The following RSAD2 variants were observed in gnomAD, a reference collection of about 807,000 sequenced individuals.
RSAD2 encodes S-adenosylmethionine-dependent nucleotide dehydratase RSAD2.
Under a neutral mutation model 37.7 loss-of-function variants are expected in RSAD2, and 38 were observed. That is an observed-to-expected ratio of 1.01 (90% CI 0.78 to 1.32). The LOEUF is 1.32. Ranked by LOEUF, RSAD2 falls within the 40% of genes most tolerant of loss-of-function variation. The pLI is 0.00. For missense variants in RSAD2, 428 were observed against 437.5 expected, an observed-to-expected ratio of 0.98 and a Z score of 0.19; for synonymous variants, 163 against 157.4, an observed-to-expected ratio of 1.04 and a Z score of -0.27.
At chr2:6,875,648 A>C (rs184502260), upstream of RSAD2, among the ~76,000 whole-genome samples, 1 of 152,354 alleles carries the variant, frequency 6.6e-6, no homozygotes, top group East Asian at 1.9e-4. Context: ...TCTCCCAGAA[A>C]GGAGAAATAA....
intron 1 of RSAD2, among the ~76,000 whole-genome samples, chr2:6,880,579 T>C (rs1663379040): frequency 6.6e-6 from 1 of 152,212 alleles, no homozygotes; most frequent in Non-Finnish European, 1.5e-5. Context: ...CAGTGAAGTT[T>C]GGCAGTTACC....
intron 1 of RSAD2, among the ~76,000 whole-genome samples, chr2:6,866,991 G>T (rs1401740932): frequency 6.6e-6 from 1 of 152,158 alleles, no homozygotes; most frequent in African/African-American, 2.4e-5. Flanking sequence ...TTTGAGAATA[G>T]AATAGTTTTT....
At chr2:6,875,913 G>T (rs1175559303), upstream of RSAD2, among the ~76,000 whole-genome samples, 2 of 152,166 alleles carry the variant, frequency 1.3e-5, no homozygotes, top group Admixed American at 6.5e-5. Flanking sequence ...ATTCTGCTTG[G>T]AATTCATAAA....
intron 2 of RSAD2, 44 bp downstream of exon 2, chr2:6,883,576 T>A: frequency 6.2e-7 from 1 of 1,603,952 alleles, no homozygotes; most frequent in Non-Finnish European, 8.5e-7. Context: ...TATTGCTATT[T>A]TTATTGTTGG....
chr2:6,884,486 A>G (rs1448881), intron 2 of RSAD2, among the ~76,000 whole-genome samples: 14,684 of 152,168 alleles, frequency 0.096, 810 homozygotes, highest in Non-Finnish European at 0.12. Flanking sequence ...AGAGAGAAAA[A>G]AGAAACTGAG....
Position 6,896,001 on chromosome 2 carries a change from AT to A in RSAD2, c.*61del, listed in dbSNP as rs1037587223. On this transcript the variant is annotated 3_prime_UTR_variant, in exon 6 of 6. Coordinates refer to ENST00000382040, the MANE Select transcript of RSAD2 (RefSeq NM_080657.5). The stretch of plus-strand genomic sequence containing the variant: ...TGGGAAAACTCCTAGAGTAACTGCC[AT>A]TGTCTGCAATACTATCCCGTTGGTA... 5 of 1,515,308 alleles carry A rather than the reference AT, an allele frequency of 3.3e-6. No homozygotes were observed. The African/African-American group carries it at 6.9e-5, about 21-fold the overall frequency. The allele number at this position is 1,515,308 out of a possible 1,614,324, so 93.9% of individuals were successfully genotyped here.
chr2:6,874,427 CTAAATTTTCTTT>C (rs1460480525), upstream of RSAD2, among the ~76,000 whole-genome samples: 25 of 152,106 alleles, frequency 1.6e-4, no homozygotes, highest in African/African-American at 4.3e-4. Context: ...ACAAAAATAC[CTAAATTTTCTTT>C]TAAATTTTCT....
chr2:6,878,623 A>C (rs746186191), intron 1 of RSAD2, among the ~76,000 whole-genome samples: 1 of 152,222 alleles, frequency 6.6e-6, no homozygotes, highest in Non-Finnish European at 1.5e-5. Context: ...GAGTTTGTGT[A>C]TATTCTTTTA....
At position 6,878,008 on chromosome 2, in the gene RSAD2, A is replaced by T; in HGVS notation, c.208A>T (p.Thr70Ser). Residue 70 changes from threonine (T) to serine (S), a missense_variant, in exon 1 of 6, where the codon ACC becomes TCC. Thr to Ser is a moderately conservative substitution (Grantham distance 58, BLOSUM62 1). Transcript: ENST00000382040. ...KEEEEDPPLP[T>S]TPTSVNYHFT... The stretch of plus-strand genomic sequence containing the variant: ...GGAGGAAGAGGACCCTCCTCTGCCC[A>T]CCACCCCAACCAGCGTCAACTATCA... The T allele has an allele frequency of 6.2e-7, 1 of 1,614,154 alleles. No individual in the cohort carries two copies. The highest frequency in any genetic ancestry group is 8.5e-7 in the Non-Finnish European group (1 of 1,180,026).
chr2:6,881,735 G>A (rs1663407157), intron 1 of RSAD2, among the ~76,000 whole-genome samples: 1 of 151,874 alleles, frequency 6.6e-6, no homozygotes, highest in Admixed American at 6.6e-5. Context: ...ATGTTGCAAA[G>A]GTCCATCTTC....
chr2:6,876,827 C>T (rs1269752510), upstream of RSAD2: 1 of 152,156 alleles, frequency 6.6e-6, no homozygotes, highest in East Asian at 1.9e-4. Flanking sequence ...GCACAAAAAT[C>T]GCCTGAGATA....
chr2:6,882,632 C>G (rs527286664), intron 1 of RSAD2, among the ~76,000 whole-genome samples: 2 of 152,148 alleles, frequency 1.3e-5, no homozygotes, highest in African/African-American at 4.8e-5. Context: ...ACATAAAGAG[C>G]TATGATTTGA....
intron 1 of RSAD2, 145 bp from the exon 2 acceptor site, chr2:6,883,226 T>C: frequency 1.3e-6 from 1 of 764,138 alleles, no homozygotes; most frequent in Non-Finnish European, 2.1e-6. Flanking sequence ...TTGGGTGGGA[T>C]TGGTGTTGGG....
At chr2:6,882,592 G>A (rs1663435177) in intron 1 of RSAD2, among the ~76,000 whole-genome samples, 1 of 152,148 alleles carries the variant, frequency 6.6e-6, no homozygotes, top group South Asian at 2.1e-4. Flanking sequence ...GGGTGAATAA[G>A]CAAATAGTAA....
rs1167485765 is a variant in RSAD2 at position 6,897,294 on chromosome 2, G to T, written c.*1352G>T. On this transcript the variant is annotated 3_prime_UTR_variant, in exon 6 of 6. Coordinates refer to ENST00000382040, the MANE Select transcript of RSAD2 (RefSeq NM_080657.5). The stretch of plus-strand genomic sequence containing the variant: ...AGCAAAATCATGGAAAATTTTTGTT[G>T]TCCAGGCAAATAAAAGGTCATTTTA... The T allele has an allele frequency of 6.6e-6, 1 of 152,072 alleles. No individual in the cohort carries two copies. The highest frequency in any genetic ancestry group is 1.5e-5 in the Non-Finnish European group (1 of 67,994). 9.4% of individuals were successfully genotyped at this position (152,072 alleles called of 1,614,324 possible).
rs1419944672 is a variant in RSAD2, at chr2:6,896,111, A to G, written c.*169A>G. ...CACTGAACACACGAATAACTTGGAT[A>G]GCAAATCCTGAGACAATGGAAAACC... On this transcript the variant is annotated 3_prime_UTR_variant, in exon 6 of 6. Transcript: ENST00000382040. 1.8e-6 allele frequency: 1 copy of G among 546,750 alleles called. No individual in the cohort carries two copies. 33.9% of individuals were successfully genotyped at this position (546,750 alleles called of 1,614,324 possible). A position where few individuals can be genotyped will look rare whatever the true frequency, so the allele number is the denominator to read the frequency against.
At chr2:6,888,068 G>C (rs368831471) in intron 3 of RSAD2, among the ~76,000 whole-genome samples, 1 of 152,188 alleles carries the variant, frequency 6.6e-6, no homozygotes, top group Non-Finnish European at 1.5e-5. Flanking sequence ...AAGAATTTTC[G>C]TAGGTGGCAA....
Position 6,890,311 on chromosome 2 carries a change from G to T in RSAD2, c.874G>T (p.Glu292Ter), listed in dbSNP as rs1212906273. Reference sequence around the variant, plus strand: ...CAAAGAAGTGTCCTGCTTGGTGCCTGAATCTAACCAGAAGGTTGTATAAAG... The same window carrying T: ...CAAAGAAGTGTCCTGCTTGGTGCCTTAATCTAACCAGAAGGTTGTATAAAG... ...RHKEVSCLVP[E>*]SNQKMKDSYL... is the part of the protein sequence containing the mutation. Residue 292 changes from glutamate (E) to a stop codon, truncating the protein, a stop_gained, in exon 4 of 6, where the codon GAA becomes TAA. Coordinates refer to ENST00000382040, the MANE Select transcript of RSAD2 (RefSeq NM_080657.5). LOFTEE classifies it high-confidence loss of function. 1 of 1,614,094 alleles carries T rather than the reference G, an allele frequency of 6.2e-7. No individual in the cohort carries two copies.
intron 1 of RSAD2, chr2:6,879,046 G>A (rs1365009255): frequency 2.2e-5 from 10 of 456,792 alleles, no homozygotes; most frequent in Non-Finnish European, 4.4e-5. Context: ...ACCCTGGTAA[G>A]CACTTGCTGG....
Sources: gnomAD v4.1 joint callset for allele counts (sites outside exome capture counted in the v4.1 genomes callset) on GRCh38, gnomAD v4.1.1 for gene constraint, MANE v1.5 for transcripts, NCBI Gene and HGNC (gene_info 2026-07-23, HGNC 2026-07-21) for gene names.